The following SPAG1 variants were observed in gnomAD, a reference collection of about 807,000 sequenced individuals.
The protein encoded by SPAG1 is sperm associated antigen 1.
SPAG1 carries 69 observed loss-of-function variants against 100.5 expected under a neutral mutation model. That is an observed-to-expected ratio of 0.69 (90% CI 0.57 to 0.84). The LOEUF is 0.84. SPAG1 is among the 40% of genes least tolerant of loss of function. The probability of loss-of-function intolerance (pLI) is 0.00; values close to 1 mark genes in which losing one functional copy is unlikely to be tolerated. For missense variants in SPAG1, 955 were observed against 1,133.1 expected (o/e 0.84, Z 2.26); for synonymous variants, 336 against 411.6 (o/e 0.82, Z 2.22).
intron 1 of SPAG1, among the ~76,000 whole-genome samples, chr8:100,159,244 A>G (rs1815203180): frequency 6.6e-6 from 1 of 152,200 alleles, no homozygotes; most frequent in African/African-American, 2.4e-5. Context: ...TCAATAATTT[A>G]CGAGTTCTTC....
chr8:100,176,250 A>G (rs1225941776), intron 3 of SPAG1, among the ~76,000 whole-genome samples: 1 of 152,174 alleles, frequency 6.6e-6, no homozygotes, highest in African/African-American at 2.4e-5. Context: ...GCTGGCGTTC[A>G]ATTCTTCAGC....
chr8:100,193,564 A>G (rs1024375160), intron 9 of SPAG1, among the ~76,000 whole-genome samples: 1 of 152,230 alleles, frequency 6.6e-6, no homozygotes, highest in African/African-American at 2.4e-5. Flanking sequence ...AAAGGATGAT[A>G]TATCTATTTT....
At chr8:100,210,831 CTT>C (rs758562464) in intron 10 of SPAG1, among the ~76,000 whole-genome samples, 10 of 143,512 alleles carry the variant, frequency 7.0e-5, no homozygotes, top group Admixed American at 2.1e-4. Flanking sequence ...CACACCCAAA[CTT>C]TTTTTTTTTT....
At chr8:100,226,222 C>T (rs1043190978) in intron 14 of SPAG1, among the ~76,000 whole-genome samples, 2 of 151,974 alleles carry the variant, frequency 1.3e-5, no homozygotes, top group African/African-American at 2.4e-5. Flanking sequence ...GTCTCAAATT[C>T]CAGGGCTAAA....
At chr8:100,189,433 C>T (rs1052244537) in intron 8 of SPAG1, among the ~76,000 whole-genome samples, 3 of 151,932 alleles carry the variant, frequency 2.0e-5, no homozygotes, top group African/African-American at 4.8e-5. Flanking sequence ...GCTGAGATCA[C>T]GCCACTGCAC....
chr8:100,224,935 CA>C (rs1162632470), intron 13 of SPAG1, among the ~76,000 whole-genome samples: 1 of 151,992 alleles, frequency 6.6e-6, no homozygotes, highest in Non-Finnish European at 1.5e-5. Flanking sequence ...AATTTTTTAA[CA>C]AATTAAAAAT....
chr8:100,162,135 C>A, intron 1 of SPAG1, 144 bp from the exon 2 acceptor site: 1 of 602,122 alleles, frequency 1.7e-6, no homozygotes, highest in Non-Finnish European at 2.8e-6. Flanking sequence ...TAGAGACCAG[C>A]CTGGGCAACA....
intron 1 of SPAG1, among the ~76,000 whole-genome samples, chr8:100,160,418 G>A (rs1262772635): frequency 2.6e-5 from 4 of 152,302 alleles, no homozygotes; most frequent in South Asian, 4.1e-4. Flanking sequence ...CTTGAGGTCC[G>A]TAGTTCAAGA....
chr8:100,214,705 A>G (rs1817887939), intron 12 of SPAG1, among the ~76,000 whole-genome samples: 1 of 152,102 alleles, frequency 6.6e-6, no homozygotes, highest in Non-Finnish European at 1.5e-5. Flanking sequence ...GCTCATGGCC[A>G]GGCACAGTGG....
rs953508122 is a variant in SPAG1, at chr8:100,163,524, C to G, written c.140+1104C>G. On this transcript the variant is annotated intron_variant, in intron 2 of 18. Transcript: ENST00000388798. ...AAAGTGCTGGGGCCTCTTTGGGCCT[C>G]TTGAGCTATTTTCATTTGGATACCA... is the stretch of plus-strand genomic sequence containing the variant. Among the ~76,000 whole-genome samples the G allele has an allele frequency of 2.0e-5, 3 of 151,880 alleles. No individual in the cohort carries two copies. The South Asian group carries it at 6.2e-4, about 31-fold the overall frequency.
chr8:100,196,415 C>A (rs1270680285), intron 10 of SPAG1, among the ~76,000 whole-genome samples: 1 of 152,112 alleles, frequency 6.6e-6, no homozygotes, highest in Non-Finnish European at 1.5e-5. Context: ...TTTACCCATT[C>A]TATTAGGTGT....
intron 10 of SPAG1, among the ~76,000 whole-genome samples, chr8:100,203,999 G>A (rs1586474113): frequency 6.6e-6 from 1 of 152,154 alleles, no homozygotes; most frequent in Non-Finnish European, 1.5e-5. Flanking sequence ...TGATGAAACT[G>A]GGGACACTGA....
intron 3 of SPAG1, among the ~76,000 whole-genome samples, chr8:100,170,365 TG>T (rs1345292129): frequency 1.8e-4 from 28 of 152,206 alleles, no homozygotes; most frequent in Non-Finnish European, 1.5e-5. Flanking sequence ...TATGAAATTT[TG>T]TTTTTTTATT....
Position 100,241,205 on chromosome 8 carries a change from G to A in SPAG1, c.*183G>A, listed in dbSNP as rs973208994. On this transcript the variant is annotated 3_prime_UTR_variant, in exon 19 of 19. Transcript: ENST00000388798. The surrounding 1 kb of genome is among the most constrained non-coding windows in gnomAD (Gnocchi z 5.1). ...TTCTACAATCTGCTTTTTATTAGTT[G>A]TAAATATTTTCTTATGTACCAGAAC... 4 of 436,412 alleles carry A rather than the reference G, an allele frequency of 9.2e-6. No homozygotes were observed. Among genetic ancestry groups the A allele is most frequent in the African/African-American group, 8.1e-5 (4 of 49,104 alleles). The allele number at this position is 436,412 out of a possible 1,614,324, so 27.0% of individuals were successfully genotyped here.
chr8:100,215,518 G>C (rs1348857429), intron 12 of SPAG1, among the ~76,000 whole-genome samples: 1 of 152,150 alleles, frequency 6.6e-6, no homozygotes, highest in Non-Finnish European at 1.5e-5. Flanking sequence ...TTCATTGGCT[G>C]TATCAGTTTA....
chr8:100,214,679 GTGGCCAGGCACAGTGGCTCA>G (rs1817886970), intron 12 of SPAG1, among the ~76,000 whole-genome samples: 1 of 151,950 alleles, frequency 6.6e-6, no homozygotes. Flanking sequence ...TATATATGAT[GTGGCCAGGCACAGTGGCTCA>G]TGGCCAGGCA....
rs1586439510 is a variant in SPAG1, at chr8:100,189,256, A to C, written c.832+2006A>C. Among the ~76,000 whole-genome samples, 3 of 151,898 alleles carry C rather than the reference A, an allele frequency of 2.0e-5. No individual in the cohort carries two copies. In the Middle Eastern group the frequency reaches 0.01, roughly 520 times the overall value. ...TTTGGGAGGCTGAGGTGGGTGGATCACTTGAGGCCAGGAGTTCGAGACCAG... is the reference window on the plus strand; with the variant it reads ...TTTGGGAGGCTGAGGTGGGTGGATCCCTTGAGGCCAGGAGTTCGAGACCAG... On this transcript the variant is annotated intron_variant, in intron 8 of 18. Coordinates refer to ENST00000388798, the MANE Select transcript of SPAG1 (RefSeq NM_003114.5).
chr8:100,213,864 C>G lies in SPAG1; in HGVS notation c.1481C>G (p.Ala494Gly). The change falls in exon 12 of 19, where the codon GCA becomes GGA. Residue 494 changes from alanine (A) to glycine (G), a missense_variant. By Grantham distance (60) the Ala-to-Gly change is moderately conservative. Transcript: ENST00000388798. ...CTAAGTATCTTATATTCAAATAGAG[C>G]AGCATGTTACCTAAAAGAAGGAAAC... Reference protein sequence around the residue: ...DDLSILYSNRAACYLKEGNCS... With the variant: ...DDLSILYSNRGACYLKEGNCS... 1 of 1,604,696 alleles carries G rather than the reference C, an allele frequency of 6.2e-7. No homozygotes were observed.
Position 100,239,876 on chromosome 8 carries a change from T to C in SPAG1, c.2280+472T>C, listed in dbSNP as rs1465725429. Among the ~76,000 whole-genome samples the C allele has an allele frequency of 1.3e-5, 2 of 152,210 alleles. No individual in the cohort carries two copies. The highest frequency in any genetic ancestry group is 4.8e-5 in the African/African-American group (2 of 41,460). On this transcript the variant is annotated intron_variant, in intron 17 of 18. Coordinates refer to ENST00000388798, the MANE Select transcript of SPAG1 (RefSeq NM_003114.5). The surrounding 1 kb of genome is among the most constrained non-coding windows in gnomAD (Gnocchi z 5.0). ...CCTCAGGATCAAACTGCTTTTGTGA[T>C]TCAGATAACTAAAATGTTTTTCTCT...
Sources: allele counts gnomAD v4.1 joint callset (sites outside exome capture counted in the v4.1 genomes callset), GRCh38; gene constraint gnomAD v4.1.1; non-coding constraint Gnocchi (gnomAD v3.1); transcripts MANE v1.5; gene names NCBI Gene and HGNC (gene_info 2026-07-23, HGNC 2026-07-21).